Variants in CPXM1 observed in about 807,000 individuals in gnomAD.
CPXM1 encodes the protein probable carboxypeptidase X1.
In CPXM1, 72 loss-of-function variants were observed where a neutral mutation model predicts 80.4. The ratio of observed to expected loss-of-function variants is 0.90; its 90% CI spans 0.74 to 1.09. CPXM1 has a LOEUF of 1.09. CPXM1 is among the 50% of genes least tolerant of loss of function. The pLI is 0.00. For missense variants in CPXM1, 892 were observed against 999.4 expected (o/e 0.89, Z 1.45); for synonymous variants, 403 against 405.6 (o/e 0.99, Z 0.08).
At chr20:2,800,333 C>T in intron 1 of CPXM1, 68 bp downstream of exon 1, 3 of 1,357,046 alleles carry the variant, frequency 2.2e-6, no homozygotes, top group Non-Finnish European at 1.9e-6. Flanking sequence ...AGGGAGGGAT[C>T]GCCCCACGGG....
rs1352497280 is a variant in CPXM1, at chr20:2,798,488, A to G, written c.390T>C (p.Leu130=). 6.2e-7 allele frequency: 1 copy of G among 1,614,176 alleles called. No individual in the cohort carries two copies. The highest frequency in any genetic ancestry group is 8.5e-7 in the Non-Finnish European group (1 of 1,180,016). The change falls in exon 3 of 14, where the codon CTT becomes CTC. Residue 130 remains leucine (L), a synonymous_variant. Transcript: ENST00000380605. The part of the protein sequence containing the change: ...LESLRVSDSR[L]EASSSQSFGL... ...CAAAGGACTGGCTGCTGGATGCCTC[A>G]AGCCGGCTATCTGAAACTCGCAGGG...
intron 5 of CPXM1, among the ~76,000 whole-genome samples, chr20:2,797,754 C>T (rs1296817771): frequency 6.6e-6 from 1 of 152,224 alleles, no homozygotes; most frequent in African/African-American, 2.4e-5. Flanking sequence ...AGCACCCACC[C>T]TGTGGTGGCA....
rs775442955 is a variant in CPXM1, at chr20:2,796,189, G to A, written c.1243-28C>T. The A allele has an allele frequency of 1.1e-4, 179 of 1,608,006 alleles. No individual in the cohort carries two copies. The highest frequency in any genetic ancestry group is 2.3e-4 in the African/African-American group (17 of 74,834). ...GCCGGGCAAGAGGCTTGTTCAAGTC[G>A]AGCAGGTCCAGCCACCAGGGCAGAA... On this transcript the variant is annotated intron_variant, in intron 9 of 13. Coordinates refer to ENST00000380605, the MANE Select transcript of CPXM1 (RefSeq NM_019609.5). This position sits in a 1 kb window ranked among gnomAD's most constrained non-coding sequence, Gnocchi z 6.8.
In CPXM1 at chr20:2,796,321, G is replaced by A. The variant is rs1378221364; in HGVS notation, c.1168C>T (p.Arg390Trp). 23 of 1,613,966 alleles carry A rather than the reference G, an allele frequency of 1.4e-5. No individual in the cohort carries two copies. Among genetic ancestry groups the A allele is most frequent in the South Asian group, 2.2e-5 (2 of 91,082 alleles). ...TGAATGCGCATCTCAGAGAGCAGCC[G>A]GGTCACCCGTGGGTTCCCTCGCAGG... Reference protein sequence around the residue: ...EFLRGNPRVTRLLSEMRIHLL... With the variant: ...EFLRGNPRVTWLLSEMRIHLL... Residue 390 changes from arginine to tryptophan, a missense_variant, in exon 9 of 14, where the codon CGG (arginine) becomes TGG (tryptophan). Coordinates refer to ENST00000380605, the MANE Select transcript of CPXM1 (RefSeq NM_019609.5). This position sits in a 1 kb window ranked among gnomAD's most constrained non-coding sequence, Gnocchi z 6.8.
In CPXM1 at chr20:2,796,062, G is replaced by A; in HGVS notation, c.1342C>T (p.Gln448Ter). The A allele has an allele frequency of 6.2e-7, 1 of 1,614,096 alleles. No homozygotes were observed. The highest frequency in any genetic ancestry group is 8.5e-7 in the Non-Finnish European group (1 of 1,179,992). ...ADLNTPLWEA[Q>*]DDGKVPHIVP... is the part of the protein sequence containing the mutation. ...ATGTGGGGCACCTTCCCATCGTCCT[G>A]TGCTTCCCACAGTGGTGTGTTGAGG... The change falls in exon 10 of 14, where the codon CAG (glutamine) becomes TAG (stop). Residue 448 changes from glutamine to a stop codon, truncating the protein, a stop_gained. Transcript: ENST00000380605. LOFTEE classifies it high-confidence loss of function. This position sits in a 1 kb window ranked among gnomAD's most constrained non-coding sequence, Gnocchi z 6.8.
At chr20:2,798,108 C>T (rs533317054) in intron 4 of CPXM1, 44 bp downstream of exon 4, 2 of 1,613,580 alleles carry the variant, frequency 1.2e-6, no homozygotes, top group African/African-American at 1.3e-5. Context: ...GACTCCCACC[C>T]CAGTCCTTCT....
chr20:2,796,790 G>T lies in CPXM1; in HGVS notation c.922-140C>A. 1 of 1,290,066 alleles carries T rather than the reference G, an allele frequency of 7.8e-7. No homozygotes were observed. The highest frequency in any genetic ancestry group is 1.1e-6 in the Non-Finnish European group (1 of 936,950). 79.9% of individuals were successfully genotyped at this position (1,290,066 alleles called of 1,614,324 possible). Reference sequence around the variant, plus strand: ...CCCATCATGGTACAGGAGGGGAGCGGCAGCAGAGCCGGGAGGAAGGGGTAG... The same window carrying T: ...CCCATCATGGTACAGGAGGGGAGCGTCAGCAGAGCCGGGAGGAAGGGGTAG... On this transcript the variant is annotated intron_variant, in intron 7 of 13. Transcript: ENST00000380605. This position sits in a 1 kb window ranked among gnomAD's most constrained non-coding sequence, Gnocchi z 6.8.
chr20:2,798,968 A>G, intron 1 of CPXM1, 75 bp from the exon 2 acceptor site: 1 of 1,490,666 alleles, frequency 6.7e-7, no homozygotes, highest in Non-Finnish European at 9.2e-7. Flanking sequence ...TGCCAGCCCA[A>G]GAAGACATGT....
rs1377055009 is a variant in CPXM1, at chr20:2,796,433, C to G, written c.1056G>C (p.Glu352Asp). Residue 352 changes from glutamate to aspartate, a missense_variant, in exon 9 of 14, where the codon GAG becomes GAC. Around this residue, in one of 2 missense-constraint regions of CPXM1, gnomAD observed 874 missense variants for 958.4 expected, o/e 0.91. Transcript: ENST00000380605. This position sits in a 1 kb window ranked among gnomAD's most constrained non-coding sequence, Gnocchi z 6.8. ...KPGEHELGEP[E>D]VRYVAGMHGN... ...CATGCATGCCAGCCACGTAGCGCAC[C>G]TCAGGCTCCCCTGGGGACACATGGG... The G allele has an allele frequency of 6.2e-7, 1 of 1,614,038 alleles. No individual in the cohort carries two copies. Among genetic ancestry groups the G allele is most frequent in the African/African-American group, 1.3e-5 (1 of 75,066 alleles).
rs199647329 is a variant in CPXM1 at position 2,798,769 on chromosome 20, G to A, written c.297C>T (p.Pro99=). 6.2e-6 allele frequency: 10 copies of A among 1,613,848 alleles called. No individual in the cohort carries two copies. In the South Asian group the frequency reaches 7.7e-5, roughly 12 times the overall value. The change falls in exon 2 of 14, where the codon CCC becomes CCT. Residue 99 remains proline (P), a synonymous_variant. Coordinates refer to ENST00000380605, the MANE Select transcript of CPXM1 (RefSeq NM_019609.5). ...CGGGGTCGAGGGTCCCTGCTGGAGT[G>A]GGGGTCACAAGGGGCCCGGCAGTCA... is the stretch of plus-strand genomic sequence containing the variant. ...PLVTAGPLVT[P]TPAGTLDPAE...
rs767978402 is a variant in CPXM1 at position 2,796,624 on chromosome 20, G to A, written c.948C>T (p.Cys316=). The change falls in exon 8 of 14, where the codon TGC becomes TGT. Residue 316 remains cysteine, a synonymous_variant. Coordinates refer to ENST00000380605, the MANE Select transcript of CPXM1 (RefSeq NM_019609.5). This position sits in a 1 kb window ranked among gnomAD's most constrained non-coding sequence, Gnocchi z 6.8. ...TGCTGTAGATGCGGGTGATGTTGGG[G>A]CATTGCTCTTGTACCTGCTTCATCA... The part of the protein sequence containing the change: ...RKLMKQVQEQ[C]PNITRIYSIG... 1 of 1,614,180 alleles carries A rather than the reference G, an allele frequency of 6.2e-7. No homozygotes were observed.
rs2088537416 is a variant in CPXM1, at chr20:2,798,781, G to T, written c.285C>A (p.Pro95=). 6.2e-7 allele frequency: 1 copy of T among 1,613,958 alleles called. No individual in the cohort carries two copies. The part of the protein sequence containing the change: ...TRPTPLVTAG[P]LVTPTPAGTL... Reference sequence around the variant, plus strand: ...TCCCTGCTGGAGTGGGGGTCACAAGGGGCCCGGCAGTCACCAGTGGGGTGG... The same window carrying T: ...TCCCTGCTGGAGTGGGGGTCACAAGTGGCCCGGCAGTCACCAGTGGGGTGG... The change falls in exon 2 of 14, where the codon CCC becomes CCA. Residue 95 remains proline, a synonymous_variant. Transcript: ENST00000380605.
At position 2,795,923 on chromosome 20, in the gene CPXM1, G is replaced by C; in HGVS notation, c.1423-27C>G. The C allele has an allele frequency of 6.2e-7, 1 of 1,604,402 alleles. No individual in the cohort carries two copies. Among genetic ancestry groups the C allele is most frequent in the Non-Finnish European group, 8.5e-7 (1 of 1,173,086 alleles). On this transcript the variant is annotated intron_variant, in intron 10 of 13. Coordinates refer to ENST00000380605, the MANE Select transcript of CPXM1 (RefSeq NM_019609.5). The surrounding 1 kb of genome is among the most constrained non-coding windows in gnomAD (Gnocchi z 5.4). ...TGGATGGGGCAGGTCAGGAGGGGCA[G>C]GAGACAGAGACAAGGTCCGCCCCCC...
In CPXM1 at chr20:2,795,640, C is replaced by T; in HGVS notation, c.1679G>A (p.Gly560Asp). 1 of 1,614,074 alleles carries T rather than the reference C, an allele frequency of 6.2e-7. No individual in the cohort carries two copies. Among genetic ancestry groups the T allele is most frequent in the Non-Finnish European group, 8.5e-7 (1 of 1,180,000 alleles). Residue 560 changes from glycine (G) to aspartate (D), a missense_variant, in exon 11 of 14, where the codon GGC becomes GAC. This residue lies in a region of CPXM1 where 874 missense variants were observed against 958.4 expected (regional missense o/e 0.91). Transcript: ENST00000380605. This position sits in a 1 kb window ranked among gnomAD's most constrained non-coding sequence, Gnocchi z 5.4. ...CCAGTCAGCCCCGTTGATGATGTTG[C>T]CGTGCACGGAGAAGTCCTGGCTGTG... ...PCHSQDFSVH[G>D]NIINGADWHT...
In CPXM1 at chr20:2,795,780, G is replaced by A. The variant is rs1004343442; in HGVS notation, c.1539C>T (p.Thr513=). 1.1e-5 allele frequency: 18 copies of A among 1,612,804 alleles called. No homozygotes were observed. Among genetic ancestry groups the A allele is most frequent in the Non-Finnish European group, 1.4e-5 (17 of 1,180,030 alleles). ...VVSYPFDMTR[T]PWAARELTPT... The stretch of plus-strand genomic sequence containing the variant: ...GCGTGAGCTCGCGGGCAGCCCACGG[G>A]GTGCGAGTCATGTCGAATGGGTAGG... Residue 513 remains threonine, a synonymous_variant, in exon 11 of 14, where the codon ACC becomes ACT. Transcript: ENST00000380605. This position sits in a 1 kb window ranked among gnomAD's most constrained non-coding sequence, Gnocchi z 5.4.
Position 2,796,776 on chromosome 20 carries a change from A to AC in CPXM1, c.922-127dup. 3 of 1,357,658 alleles carry AC rather than the reference A, an allele frequency of 2.2e-6. No individual in the cohort carries two copies. Among genetic ancestry groups the AC allele is most frequent in the Non-Finnish European group, 3.0e-6 (3 of 991,954 alleles). 84.1% of individuals were successfully genotyped at this position (1,357,658 alleles called of 1,614,324 possible). A position where few individuals can be genotyped will look rare whatever the true frequency, so the allele number is the denominator to read the frequency against. ...CACAGAGGGGGCATCCCATCATGGT[A>AC]CAGGAGGGGAGCGGCAGCAGAGCCG... is the stretch of plus-strand genomic sequence containing the variant. On this transcript the variant is annotated intron_variant, in intron 7 of 13. Coordinates refer to ENST00000380605, the MANE Select transcript of CPXM1 (RefSeq NM_019609.5). The surrounding 1 kb of genome is among the most constrained non-coding windows in gnomAD (Gnocchi z 6.8).
rs771240129 is a variant in CPXM1, at chr20:2,798,796, C to A, written c.270G>T (p.Leu90=). 1.1e-5 allele frequency: 18 copies of A among 1,614,044 alleles called. No homozygotes were observed. Among genetic ancestry groups the A allele is most frequent in the Non-Finnish European group, 1.4e-5 (17 of 1,179,982 alleles). The part of the protein sequence containing the change: ...KKLTLTRPTP[L]VTAGPLVTPT... ...GGGTCACAAGGGGCCCGGCAGTCAC[C>A]AGTGGGGTGGGGCGAGTTAGAGTTA... Residue 90 remains leucine (L), a synonymous_variant, in exon 2 of 14, where the codon CTG becomes CTT. Coordinates refer to ENST00000380605, the MANE Select transcript of CPXM1 (RefSeq NM_019609.5).
rs377673894 is a variant in CPXM1, at chr20:2,798,268, T to C, written c.474A>G (p.Leu158=). Residue 158 remains leucine, a synonymous_variant, in exon 4 of 14, where the codon CTA becomes CTG. Transcript: ENST00000380605. ...NIQSGLEDGD[L]YDGAWCAEEQ... is the part of the protein sequence containing the mutation. ...CCTCAGCACACCAGGCTCCATCATATAGATCGCCGTCCTCCAGGCCTGACT... is the reference window on the plus strand; with the variant it reads ...CCTCAGCACACCAGGCTCCATCATACAGATCGCCGTCCTCCAGGCCTGACT... 3.7e-6 allele frequency: 6 copies of C among 1,613,766 alleles called. No homozygotes were observed. In the African/African-American group the frequency reaches 5.3e-5, roughly 14 times the overall value.
rs749022279 is a variant in CPXM1, at chr20:2,798,274, G to A, written c.468C>T (p.Gly156=). The change falls in exon 4 of 14, where the codon GGC becomes GGT. Residue 156 remains glycine, a synonymous_variant. Coordinates refer to ENST00000380605, the MANE Select transcript of CPXM1 (RefSeq NM_019609.5). The part of the protein sequence containing the change: ...RLNIQSGLED[G]DLYDGAWCAE... ...CACACCAGGCTCCATCATATAGATC[G>A]CCGTCCTCCAGGCCTGACTGCAGAC... 29 of 1,613,708 alleles carry A rather than the reference G, an allele frequency of 1.8e-5. No individual in the cohort carries two copies. In the South Asian group the frequency reaches 2.9e-4, roughly 16 times the overall value.
Sources: allele counts gnomAD v4.1 joint callset (sites outside exome capture counted in the v4.1 genomes callset), GRCh38; gene constraint gnomAD v4.1.1; regional missense constraint gnomAD v4.1.1; non-coding constraint Gnocchi (gnomAD v3.1); transcripts MANE v1.5; gene names NCBI Gene and HGNC (gene_info 2026-07-23, HGNC 2026-07-21).